The following FRK variants were observed in gnomAD, a reference collection of about 807,000 sequenced individuals.
FRK encodes fyn related Src family tyrosine kinase.
A neutral mutation model predicts 56.4 loss-of-function variants in FRK; 51 were observed. The observed-to-expected ratio is 0.90, with a 90% CI of 0.72 to 1.14. FRK has a LOEUF of 1.14. Among genes scored for constraint, FRK ranks in the 50% most tolerant of loss-of-function variants. The probability of loss-of-function intolerance (pLI) is 0.00; values close to 1 mark genes in which losing one functional copy is unlikely to be tolerated. For missense variants in FRK, 570 were observed against 601.4 expected (o/e 0.95, Z 0.55); for synonymous variants, 245 against 217.9 (o/e 1.12, Z -1.10).
At chr6:116,069,612 A>G in the FRK span, among the ~76,000 whole-genome samples, 1 of 152,146 alleles carries the variant, frequency 6.6e-6, no homozygotes, top group African/African-American at 2.4e-5. Context: ...TGGTTTTCCT[A>G]GAAGGTCTTA....
the FRK span, among the ~76,000 whole-genome samples, chr6:116,096,616 T>C: frequency 2.0e-5 from 3 of 152,056 alleles, no homozygotes; most frequent in African/African-American, 7.2e-5. Context: ...AGCTAAAGGA[T>C]TGTAAATGCA....
In FRK at chr6:115,939,813, C is replaced by T. The variant is rs1226765778; in HGVS notation, c.*2601G>A. 1 of 152,136 alleles carries T rather than the reference C, an allele frequency of 6.6e-6. No homozygotes were observed. 9.4% of individuals were successfully genotyped at this position (152,136 alleles called of 1,614,324 possible). A position where few individuals can be genotyped will look rare whatever the true frequency, so the allele number is the denominator to read the frequency against. Reference sequence around the variant, plus strand: ...CTTCAAGGAGAACTACAAACCACTGCTCAAGGAAATAAGAGAGGACACAAA... The same window carrying T: ...CTTCAAGGAGAACTACAAACCACTGTTCAAGGAAATAAGAGAGGACACAAA... On this transcript the variant is annotated 3_prime_UTR_variant, in exon 8 of 8. Coordinates refer to ENST00000606080, the MANE Select transcript of FRK (RefSeq NM_002031.3).
At chr6:116,078,194 TG>T in the FRK span, among the ~76,000 whole-genome samples, 2 of 152,186 alleles carry the variant, frequency 1.3e-5, no homozygotes, top group Non-Finnish European at 2.9e-5. Context: ...AAAATGAAAA[TG>T]AACAAAATGA....
chr6:116,075,268 A>T, the FRK span, among the ~76,000 whole-genome samples: 19 of 152,126 alleles, frequency 1.2e-4, no homozygotes, highest in South Asian at 3.3e-3. Context: ...TTCTTTTTAA[A>T]CTTCTTATGC....
At chr6:115,946,568 C>G (rs1379080254) in intron 5 of FRK, among the ~76,000 whole-genome samples, 1 of 152,080 alleles carries the variant, frequency 6.6e-6, no homozygotes, top group Non-Finnish European at 1.5e-5. Context: ...TGAAGGAAGA[C>G]AAGCTATGGG....
intron 2 of FRK, among the ~76,000 whole-genome samples, chr6:115,986,332 G>A (rs1220306142): frequency 6.6e-6 from 1 of 152,028 alleles, no homozygotes; most frequent in Non-Finnish European, 1.5e-5. Flanking sequence ...CAGAATGAAA[G>A]GTACATGGAG....
In FRK at chr6:115,944,333, T is replaced by A; in HGVS notation, c.1051A>T (p.Ile351Phe). 5 of 1,613,174 alleles carry A rather than the reference T, an allele frequency of 3.1e-6. No individual in the cohort carries two copies. Among genetic ancestry groups the A allele is most frequent in the South Asian group, 2.2e-5 (2 of 91,034 alleles). Residue 351 changes from isoleucine (I) to phenylalanine (F), a missense_variant, in exon 6 of 8, where the codon ATT becomes TTT. By Grantham distance (21) the Ile-to-Phe change is conservative. Coordinates refer to ENST00000606080, the MANE Select transcript of FRK (RefSeq NM_002031.3). ...GMAYLESRNY[I>F]HRDLAARNVL... ...TTTCTGGCAGCCAGATCTCTGTGAA[T>A]GTAGTTCCGAGACTCCAGATAGGCC...
the FRK span, among the ~76,000 whole-genome samples, chr6:116,088,576 T>C: frequency 6.6e-6 from 1 of 152,252 alleles, no homozygotes; most frequent in Non-Finnish European, 1.5e-5. Context: ...TGATATGTAC[T>C]ATGTCATTTT....
chr6:116,024,576 C>T (rs1176180236), intron 1 of FRK, among the ~76,000 whole-genome samples: 1 of 152,022 alleles, frequency 6.6e-6, no homozygotes, highest in African/African-American at 2.4e-5. Flanking sequence ...TCATCCATGT[C>T]CCTACAAAGG....
intron 2 of FRK, 104 bp from the exon 3 acceptor site, chr6:115,968,843 A>C: frequency 1.1e-6 from 1 of 933,994 alleles, no homozygotes; most frequent in Non-Finnish European, 1.6e-6. Context: ...ATCTATATAA[A>C]ATTATATGTG....
In FRK at chr6:115,944,476, A is replaced by G. The variant is rs747305689; in HGVS notation, c.959-51T>C. 4 of 1,426,262 alleles carry G rather than the reference A, an allele frequency of 2.8e-6. No homozygotes were observed. In the Admixed American group the frequency reaches 8.9e-5, roughly 32 times the overall value. The allele number at this position is 1,426,262 out of a possible 1,614,324, so 88.4% of individuals were successfully genotyped here. A position where few individuals can be genotyped will look rare whatever the true frequency, so the allele number is the denominator to read the frequency against. On this transcript the variant is annotated intron_variant, in intron 5 of 7. Transcript: ENST00000606080. ...AGTTACCTTAGAGAACATTTGAACT[A>G]TGAAAGTGAATTCTGAGAATTTTGA...
intron 4 of FRK, among the ~76,000 whole-genome samples, chr6:115,959,319 T>A (rs1773231372): frequency 6.6e-6 from 1 of 152,204 alleles, no homozygotes; most frequent in Non-Finnish European, 1.5e-5. Context: ...CGTGGTTTTT[T>A]TTTAACATGA....
intron 2 of FRK, among the ~76,000 whole-genome samples, chr6:115,991,768 G>A (rs1418428004): frequency 1.3e-5 from 2 of 151,572 alleles, no homozygotes; most frequent in East Asian, 3.9e-4. Context: ...TTTGTATCAG[G>A]ATGATAATGA....
intron 2 of FRK, among the ~76,000 whole-genome samples, chr6:115,998,436 C>A (rs190197926): frequency 6.6e-6 from 1 of 152,212 alleles, no homozygotes; most frequent in African/African-American, 2.4e-5. Flanking sequence ...TCTACCATCC[C>A]TCCTCGCCTT....
At chr6:116,048,812 C>T (rs1033171994) in intron 1 of FRK, among the ~76,000 whole-genome samples, 2 of 152,104 alleles carry the variant, frequency 1.3e-5, no homozygotes, top group Admixed American at 1.3e-4. Context: ...CATTAATTTC[C>T]TTACCCTAAA....
At chr6:116,040,083 C>T (rs757941254) in intron 1 of FRK, among the ~76,000 whole-genome samples, 24 of 151,946 alleles carry the variant, frequency 1.6e-4, no homozygotes, top group Non-Finnish European at 1.3e-4. Context: ...CATTAGAATG[C>T]ACATGGGGGA....
intron 1 of FRK, among the ~76,000 whole-genome samples, chr6:116,025,443 T>C (rs1278984423): frequency 6.6e-6 from 1 of 152,218 alleles, no homozygotes; most frequent in East Asian, 1.9e-4. Context: ...AATCTATATA[T>C]GGAATCTACT....
At position 115,967,665 on chromosome 6, in the gene FRK, T is replaced by C. The variant is rs755354945; in HGVS notation, c.685A>G (p.Ile229Val). 1.9e-6 allele frequency: 3 copies of C among 1,613,388 alleles called. No homozygotes were observed. In the South Asian group the frequency reaches 3.3e-5, roughly 18 times the overall value. ...LSYKTVDQWEIDRNSIQLLKR... is the reference protein window; with the variant it reads ...LSYKTVDQWEVDRNSIQLLKR... ...AGAAGCTGTATGGAGTTGCGGTCTA[T>C]CTCCCATTGGTCCACGGTTTTATAC... Residue 229 changes from isoleucine (I) to valine (V), a missense_variant, in exon 4 of 8, where the codon ATA becomes GTA. Coordinates refer to ENST00000606080, the MANE Select transcript of FRK (RefSeq NM_002031.3).
chr6:116,040,532 T>C (rs898566956), intron 1 of FRK, among the ~76,000 whole-genome samples: 2 of 152,196 alleles, frequency 1.3e-5, no homozygotes, highest in African/African-American at 4.8e-5. Flanking sequence ...ATGTAGTCTC[T>C]TGAAACTTTT....
Sources: allele counts gnomAD v4.1 joint callset (sites outside exome capture counted in the v4.1 genomes callset), GRCh38; gene constraint gnomAD v4.1.1; transcripts MANE v1.5; gene names NCBI Gene and HGNC (gene_info 2026-07-23, HGNC 2026-07-21).